Variants in C17orf75 observed in about 807,000 individuals in gnomAD.
C17orf75 encodes protein Njmu-R1.
A neutral mutation model predicts 49.6 loss-of-function variants in C17orf75; 32 were observed. That is an observed-to-expected ratio of 0.65 (90% CI 0.49 to 0.87). The LOEUF (loss-of-function observed/expected upper bound fraction) is 0.87, where lower values mean the gene tolerates loss of function less well. Among genes scored for constraint, C17orf75 ranks in the 40% least tolerant of loss-of-function variants. The pLI is 0.00. For missense variants in C17orf75, 428 were observed against 473.9 expected (o/e 0.90, Z 0.90); for synonymous variants, 158 against 159.5 (o/e 0.99, Z 0.07).
At chr17:32,341,037 T>G in intron 2 of C17orf75, 167 bp downstream of exon 2, 3 of 692,684 alleles carry the variant, frequency 4.3e-6, no homozygotes, top group Admixed American at 2.5e-5. Flanking sequence ...CAGCCTTGAA[T>G]GAACCAGCCA....
intron 6 of C17orf75, 99 bp from the exon 7 acceptor site, chr17:32,334,938 A>G (rs2041311641): frequency 2.1e-6 from 2 of 940,566 alleles, no homozygotes; most frequent in Non-Finnish European, 3.1e-6. Context: ...ACCACACTGG[A>G]CAACAATTGA....
Position 32,335,363 on chromosome 17 carries a change from A to G in C17orf75, c.629T>C (p.Val210Ala). Residue 210 changes from valine (V) to alanine (A), a missense_variant, in exon 6 of 10, where the codon GTT becomes GCT. Val to Ala is a moderately conservative substitution (Grantham distance 64, BLOSUM62 0). Transcript: ENST00000577809. ...GGTAAGCTTTTCCTGAAAGAGAAGA[A>G]CAACCCTTTGGATTGGGCATACAAC... is the stretch of plus-strand genomic sequence containing the variant. ...EDVVCPIQRVVLLFQEKLTFL... is the reference protein window; with the variant it reads ...EDVVCPIQRVALLFQEKLTFL... 3 of 1,613,944 alleles carry G rather than the reference A, an allele frequency of 1.9e-6. No individual in the cohort carries two copies. The highest frequency in any genetic ancestry group is 2.5e-6 in the Non-Finnish European group (3 of 1,179,834).
In C17orf75 at chr17:32,331,677, C is replaced by A; in HGVS notation, c.*86G>T. On this transcript the variant is annotated 3_prime_UTR_variant, in exon 10 of 10. Transcript: ENST00000577809. ...TTGAGTTTCAAATCATCTTAAATAG[C>A]AATCCTATGAACAATTATAACTGCA... 9.6e-7 allele frequency: 1 copy of A among 1,040,060 alleles called. No homozygotes were observed. The highest frequency in any genetic ancestry group is 1.4e-6 in the Non-Finnish European group (1 of 698,650). 64.4% of individuals were successfully genotyped at this position (1,040,060 alleles called of 1,614,324 possible).
In C17orf75 at chr17:32,342,085, T is replaced by C. The variant is rs1817826809; in HGVS notation, c.55A>G (p.Ser19Gly). 7 of 1,595,244 alleles carry C rather than the reference T, an allele frequency of 4.4e-6. No homozygotes were observed. Among genetic ancestry groups the C allele is most frequent in the Admixed American group, 1.7e-5 (1 of 57,372 alleles). Reference sequence around the variant, plus strand: ...TCCTCGGCTGAGCCTCCCTCTTCGCTGCTCTCTAGTTCCTTTTCATCTCCA... The same window carrying C: ...TCCTCGGCTGAGCCTCCCTCTTCGCCGCTCTCTAGTTCCTTTTCATCTCCA... Reference protein sequence around the residue: ...MDGDEKELESSEEGGSAEERR... With the variant: ...MDGDEKELESGEEGGSAEERR... Residue 19 changes from serine to glycine, a missense_variant, in exon 1 of 10, where the codon AGC becomes GGC. By Grantham distance (56) the Ser-to-Gly change is moderately conservative. Coordinates refer to ENST00000577809, the MANE Select transcript of C17orf75 (RefSeq NM_022344.4).
In C17orf75 at chr17:32,334,787, CTCTT is replaced by C. The variant is rs767987268; in HGVS notation, c.718_721del (p.Lys240GlufsTer7). 3 of 1,605,430 alleles carry C rather than the reference CTCTT, an allele frequency of 1.9e-6. No homozygotes were observed. Among genetic ancestry groups the C allele is most frequent in the East Asian group, 2.2e-5 (1 of 44,860 alleles). On this transcript the variant is annotated frameshift_variant, in exon 7 of 10. Coordinates refer to ENST00000577809, the MANE Select transcript of C17orf75 (RefSeq NM_022344.4). LOFTEE classifies it high-confidence loss of function. ...AACTGTTCTTTACCTGTTAATGTCTCTCTTTGTTTTTTCATCTGATTCTTTAACT... is the reference window on the plus strand; with the variant it reads ...AACTGTTCTTTACCTGTTAATGTCTCTGTTTTTTCATCTGATTCTTTAACT...
At position 32,329,847 on chromosome 17, in the gene C17orf75, G is replaced by A. The variant is rs1436772566; in HGVS notation, c.*1916C>T. ...ATTGCTGGTTTTCCTTAGTCACCCT[G>A]ACTTTATTTTTTTGAGACAGAGTCT... On this transcript the variant is annotated 3_prime_UTR_variant, in exon 10 of 10. Coordinates refer to ENST00000577809, the MANE Select transcript of C17orf75 (RefSeq NM_022344.4). The A allele has an allele frequency of 6.6e-6, 1 of 152,060 alleles. No homozygotes were observed. The highest frequency in any genetic ancestry group is 1.5e-5 in the Non-Finnish European group (1 of 67,988). 9.4% of individuals were successfully genotyped at this position (152,060 alleles called of 1,614,324 possible).
At chr17:32,333,020 A>G (rs920197627) in intron 9 of C17orf75, among the ~76,000 whole-genome samples, 3 of 152,208 alleles carry the variant, frequency 2.0e-5, no homozygotes, top group Non-Finnish European at 4.4e-5. Flanking sequence ...CATGTTGGCC[A>G]GGCTGGTCTT....
chr17:32,335,529 A>G, intron 5 of C17orf75, 87 bp from the exon 6 acceptor site: 5 of 1,507,902 alleles, frequency 3.3e-6, no homozygotes, highest in Non-Finnish European at 4.5e-6. Context: ...CTTGATGGTG[A>G]AAAAGACCAG....
intron 1 of C17orf75, among the ~76,000 whole-genome samples, chr17:32,348,096 C>A (rs1409468490): frequency 6.6e-6 from 1 of 151,812 alleles, no homozygotes; most frequent in Non-Finnish European, 1.5e-5. Flanking sequence ...CGGCTCACTG[C>A]AGCCTCCGCC....
intron 2 of C17orf75, among the ~76,000 whole-genome samples, chr17:32,340,475 C>T (rs2041367534): frequency 6.6e-6 from 1 of 151,650 alleles, no homozygotes; most frequent in Non-Finnish European, 1.5e-5. Flanking sequence ...CCCGTCTCTA[C>T]TAAAAAAAAA....
upstream of C17orf75, among the ~76,000 whole-genome samples, chr17:32,344,604 AAAAG>A (rs1215037896): frequency 1.4e-4 from 21 of 146,094 alleles, no homozygotes; most frequent in East Asian, 1.0e-3. Flanking sequence ...AAAAAAAAAA[AAAAG>A]AAAGAAAGAA....
At chr17:32,335,881 T>C (rs1374863004) in intron 5 of C17orf75, among the ~76,000 whole-genome samples, 3 of 152,174 alleles carry the variant, frequency 2.0e-5, no homozygotes, top group African/African-American at 7.2e-5. Context: ...GTCATGTAGA[T>C]AGAGAATTCA....
At chr17:32,343,877 G>A, upstream of C17orf75, 1 of 678,724 alleles carries the variant, frequency 1.5e-6, no homozygotes, top group African/African-American at 1.8e-5. Flanking sequence ...GAGAGGTTGA[G>A]TTACCACAGT....
chr17:32,344,136 G>T, upstream of C17orf75: 1 of 538,732 alleles, frequency 1.9e-6, no homozygotes, highest in East Asian at 3.0e-5. Context: ...TGCCCAGACT[G>T]AAAGCCAAAT....
At chr17:32,344,605 A>G (rs2041410871), upstream of C17orf75, among the ~76,000 whole-genome samples, 1 of 150,118 alleles carries the variant, frequency 6.7e-6, no homozygotes, top group Non-Finnish European at 1.5e-5. Flanking sequence ...AAAAAAAAAA[A>G]AAGAAAGAAA....
At chr17:32,333,882 CT>C (rs1379916743) in intron 8 of C17orf75, among the ~76,000 whole-genome samples, 3 of 152,234 alleles carry the variant, frequency 2.0e-5, no homozygotes, top group East Asian at 1.9e-4. Flanking sequence ...CTGAAGCCCC[CT>C]GTATGCCCCT....
Position 32,334,662 on chromosome 17 carries a change from A to G in C17orf75, c.735-57T>C, listed in dbSNP as rs1340761353. On this transcript the variant is annotated intron_variant, in intron 7 of 9. Transcript: ENST00000577809. ...AATATTGCAGGACGGAAGGATGAAA[A>G]CAAATTTATTTTGCACTGGGCTGGT... 8 of 1,595,522 alleles carry G rather than the reference A, an allele frequency of 5.0e-6. No individual in the cohort carries two copies. The African/African-American group carries it at 5.4e-5, about 11-fold the overall frequency.
At chr17:32,348,212 C>G (rs548266768) in intron 1 of C17orf75, among the ~76,000 whole-genome samples, 1 of 151,380 alleles carries the variant, frequency 6.6e-6, no homozygotes, top group East Asian at 1.9e-4. Context: ...TAGTAAAGAC[C>G]GGGTTTCACC....
chr17:32,333,354 T>A (rs539868463), intron 9 of C17orf75, 63 bp downstream of exon 9: 6 of 1,143,108 alleles, frequency 5.2e-6, no homozygotes, highest in Non-Finnish European at 7.8e-6. Context: ...ACTCTGTCAC[T>A]GGTACTAATT....
Sources: gnomAD v4.1 joint callset for allele counts (sites outside exome capture counted in the v4.1 genomes callset) on GRCh38, gnomAD v4.1.1 for gene constraint, MANE v1.5 for transcripts, NCBI Gene and HGNC (gene_info 2026-07-23, HGNC 2026-07-21) for gene names.